Variants in ALKAL1 observed in about 807,000 individuals in gnomAD.
The protein encoded by ALKAL1 is AUG-beta.
Under a neutral mutation model 13.5 loss-of-function variants are expected in ALKAL1, and 23 were observed. That is an observed-to-expected ratio of 1.70 (90% confidence interval 1.23 to 2.41). ALKAL1 has a LOEUF of 2.41. Ranked by LOEUF, ALKAL1 falls within the 30% of genes most tolerant of loss-of-function variation. The pLI, the probability that ALKAL1 is intolerant of heterozygous loss-of-function variation, is 0.00. For synonymous variants in ALKAL1, 85 were observed against 77.7 expected (o/e 1.09, Z -0.49); for missense variants, 181 against 178.4 (o/e 1.01, Z -0.08).
intron 1 of ALKAL1, among the ~76,000 whole-genome samples, chr8:52,544,667 G>A (rs1346351683): frequency 6.6e-6 from 1 of 152,056 alleles, no homozygotes; most frequent in East Asian, 1.9e-4. Flanking sequence ...CAAGTCTAGA[G>A]GTCTAATGCA....
At chr8:52,536,185 C>T (rs1847265513) in intron 4 of ALKAL1, among the ~76,000 whole-genome samples, 2 of 152,150 alleles carry the variant, frequency 1.3e-5, no homozygotes, top group South Asian at 4.1e-4. Context: ...GTGATCCACC[C>T]GCCTCGGCGT....
chr8:52,556,475 G>A (rs71513588), intron 1 of ALKAL1, among the ~76,000 whole-genome samples: 28,692 of 150,936 alleles, frequency 0.19, 3,621 homozygotes, highest in East Asian at 0.62. Flanking sequence ...GTGAAACCCC[G>A]TCTCTACTAA....
chr8:52,539,873 G>A lies in ALKAL1; in HGVS notation c.283C>T (p.His95Tyr). ...TFSPECSKHF[H>Y]RLYYNTRECS... The stretch of plus-strand genomic sequence containing the variant: ...TCCCTGGTATTGTAATAGAGTCGGT[G>A]GAAATGTTTGCTGCATTCTGGTGAA... The change falls in exon 3 of 5, where the codon CAC (histidine) becomes TAC (tyrosine). Residue 95 changes from histidine (H) to tyrosine (Y), a missense_variant. Coordinates refer to ENST00000358543, the MANE Select transcript of ALKAL1 (RefSeq NM_207413.4). 2 of 1,613,630 alleles carry A rather than the reference G, an allele frequency of 1.2e-6. No homozygotes were observed. Among genetic ancestry groups the A allele is most frequent in the Non-Finnish European group, 1.7e-6 (2 of 1,179,876 alleles).
chr8:52,538,093 A>AG (rs895231460), intron 4 of ALKAL1, among the ~76,000 whole-genome samples: 1 of 151,770 alleles, frequency 6.6e-6, no homozygotes, highest in African/African-American at 2.4e-5. Flanking sequence ...GCCTCCGAAA[A>AG]AAAAAAAAAA....
chr8:52,557,181 C>T (rs914349025), intron 1 of ALKAL1, among the ~76,000 whole-genome samples: 5 of 152,182 alleles, frequency 3.3e-5, no homozygotes, highest in African/African-American at 1.2e-4. Context: ...TGATGATATT[C>T]ATCTTTTCAG....
intron 1 of ALKAL1, among the ~76,000 whole-genome samples, chr8:52,543,343 G>A (rs577485814): frequency 2.0e-4 from 31 of 152,360 alleles, no homozygotes; most frequent in Non-Finnish European, 2.1e-4. Flanking sequence ...TCACGGTGAT[G>A]AGTGTGACTT....
chr8:52,537,899 C>T (rs1161750224), intron 4 of ALKAL1, among the ~76,000 whole-genome samples: 1 of 152,004 alleles, frequency 6.6e-6, no homozygotes, highest in Non-Finnish European at 1.5e-5. Context: ...GAGTTTGAGA[C>T]CAGCTTGGCC....
chr8:52,545,378 A>T (rs2150344922), intron 1 of ALKAL1, among the ~76,000 whole-genome samples: 1 of 152,252 alleles, frequency 6.6e-6, no homozygotes. Context: ...CCTATTGTTT[A>T]TGTAAAAATG....
intron 1 of ALKAL1, among the ~76,000 whole-genome samples, chr8:52,545,529 C>A (rs1416076651): frequency 7.9e-6 from 1 of 125,804 alleles, no homozygotes; most frequent in South Asian, 2.7e-4. Context: ...ACACCCCTTT[C>A]CCCTCAAACC....
chr8:52,561,133 T>A (rs1847546262), intron 1 of ALKAL1, among the ~76,000 whole-genome samples: 1 of 152,048 alleles, frequency 6.6e-6, no homozygotes, highest in South Asian at 2.1e-4. Context: ...CAGCAAAAAT[T>A]TTTTATTATT....
intron 1 of ALKAL1, among the ~76,000 whole-genome samples, chr8:52,558,467 A>T (rs1406371324): frequency 6.6e-6 from 1 of 151,948 alleles, no homozygotes; most frequent in African/African-American, 2.4e-5. Context: ...TTTTTCCACC[A>T]AATAACAGTG....
Position 52,539,822 on chromosome 8 carries a change from G to T in ALKAL1, c.325+9C>A. The T allele has an allele frequency of 6.4e-7, 1 of 1,562,066 alleles. No homozygotes were observed. Among genetic ancestry groups the T allele is most frequent in the Non-Finnish European group, 8.7e-7 (1 of 1,151,028 alleles). On this transcript the variant is annotated intron_variant, in intron 3 of 4. Transcript: ENST00000358543. Reference sequence around the variant, plus strand: ...ATTAAAAAAAAAAAAACCCACCCAAGTTACTTACAAGCTGGCGTTGAGCAC... The same window carrying T: ...ATTAAAAAAAAAAAAACCCACCCAATTTACTTACAAGCTGGCGTTGAGCAC...
chr8:52,554,626 T>TA (rs1847462761), intron 1 of ALKAL1, among the ~76,000 whole-genome samples: 1 of 152,138 alleles, frequency 6.6e-6, no homozygotes, highest in Admixed American at 6.5e-5. Flanking sequence ...TATACGAATT[T>TA]AAAGGACAAG....
At chr8:52,554,316 GAATGACAACCA>G (rs1847460200) in intron 1 of ALKAL1, among the ~76,000 whole-genome samples, 1 of 152,208 alleles carries the variant, frequency 6.6e-6, no homozygotes, top group African/African-American at 2.4e-5. Flanking sequence ...CAGTTATTAA[GAATGACAACCA>G]AATGACAATA....
chr8:52,553,986 G>C (rs2150346787), intron 1 of ALKAL1, among the ~76,000 whole-genome samples: 1 of 152,340 alleles, frequency 6.6e-6, no homozygotes, highest in Admixed American at 6.5e-5. Flanking sequence ...CATTTTGGGA[G>C]GCCGAGGCGG....
At chr8:52,540,643 G>C (rs929883830) in intron 2 of ALKAL1, among the ~76,000 whole-genome samples, 7 of 152,218 alleles carry the variant, frequency 4.6e-5, no homozygotes, top group Admixed American at 4.6e-4. Flanking sequence ...GCCTGAGGCA[G>C]GAGGATCCTT....
At chr8:52,535,550 C>CAAAAAAAAAAAAAAAAAA (rs10719477) in intron 4 of ALKAL1, among the ~76,000 whole-genome samples, 2 of 68,628 alleles carry the variant, frequency 2.9e-5, no homozygotes, top group Non-Finnish European at 5.2e-5. Context: ...GACCCTGTCT[C>CAAAAAAAAAAAAAAAAAA]AAAAAAAAAA....
chr8:52,550,648 T>C (rs1366282157), intron 1 of ALKAL1, among the ~76,000 whole-genome samples: 1 of 152,172 alleles, frequency 6.6e-6, no homozygotes, highest in Non-Finnish European at 1.5e-5. Context: ...GGCAGGGCCA[T>C]GCTTTCTCTG....
At chr8:52,562,668 G>A (rs552264582) in intron 1 of ALKAL1, among the ~76,000 whole-genome samples, 1 of 152,336 alleles carries the variant, frequency 6.6e-6, no homozygotes, top group South Asian at 2.1e-4. Flanking sequence ...GAAAAAGGCA[G>A]ACAGAGCAAG....
Sources: allele counts gnomAD v4.1 joint callset (sites outside exome capture counted in the v4.1 genomes callset), GRCh38; gene constraint gnomAD v4.1.1; transcripts MANE v1.5; gene names NCBI Gene and HGNC (gene_info 2026-07-23, HGNC 2026-07-21).